BCAS3: variants seen among roughly 807,000 people sequenced by gnomAD.
BCAS3 encodes BCAS4/BCAS3 fusion.
In BCAS3, 53 loss-of-function variants were observed where a neutral mutation model predicts 116.1. The observed-to-expected ratio is 0.46, with a 90% CI of 0.37 to 0.57. The LOEUF (loss-of-function observed/expected upper bound fraction) is 0.57, where lower values mean the gene tolerates loss of function less well. Among genes scored for constraint, BCAS3 ranks in the 20% least tolerant of loss-of-function variants. The pLI, the probability that BCAS3 is intolerant of heterozygous loss-of-function variation, is 0.00. For missense variants in BCAS3, 917 were observed against 1,165.4 expected (o/e 0.79, Z 3.10); for synonymous variants, 391 against 408.2 (o/e 0.96, Z 0.51).
intron 15 of BCAS3, among the ~76,000 whole-genome samples, chr17:61,015,071 C>G (rs1210957031): frequency 1.3e-5 from 2 of 152,086 alleles, no homozygotes; most frequent in Non-Finnish European, 2.9e-5. Context: ...ACAAATTGAT[C>G]TCCAGATTAA....
chr17:61,182,534 A>G (rs926541686), intron 22 of BCAS3, among the ~76,000 whole-genome samples: 2 of 152,182 alleles, frequency 1.3e-5, no homozygotes, highest in East Asian at 1.9e-4. Flanking sequence ...TTTACATACA[A>G]TACAATTCAT....
intron 22 of BCAS3, among the ~76,000 whole-genome samples, chr17:61,176,523 GTCTA>G (rs898481570): frequency 6.9e-5 from 10 of 144,366 alleles, no homozygotes; most frequent in East Asian, 2.0e-4. Flanking sequence ...ATTGTGTAAT[GTCTA>G]TTTATTTATT....
intron 22 of BCAS3, among the ~76,000 whole-genome samples, chr17:61,330,421 G>C (rs990405866): frequency 6.6e-6 from 1 of 152,206 alleles, no homozygotes; most frequent in East Asian, 1.9e-4. Flanking sequence ...ACCATGCCCA[G>C]CCAGTAGTTT....
intron 22 of BCAS3, among the ~76,000 whole-genome samples, chr17:61,202,768 A>T (rs940749864): frequency 2.0e-5 from 3 of 152,242 alleles, no homozygotes; most frequent in Admixed American, 2.0e-4. Flanking sequence ...AAAACAACTC[A>T]AAAGCATGTC....
chr17:60,806,675 C>T (rs1050514083), intron 6 of BCAS3, among the ~76,000 whole-genome samples: 4 of 151,888 alleles, frequency 2.6e-5, no homozygotes, highest in African/African-American at 9.7e-5. Context: ...ACTTCAGCCT[C>T]CTGAGTAGCT....
In BCAS3 at chr17:61,355,171, A is replaced by G. The variant is rs2058075787; in HGVS notation, c.2426-13156A>G. On this transcript the variant is annotated intron_variant, in intron 22 of 23. Coordinates refer to ENST00000407086, the MANE Select transcript of BCAS3 (RefSeq NM_017679.5). The surrounding 1 kb of genome is among the most constrained non-coding windows in gnomAD (Gnocchi z 4.2). ...AGAGTAAAAGGTCAGAAATAATCCA[A>G]GAGGACAAGCCACTCGTGTCTGTGT... is the stretch of plus-strand genomic sequence containing the variant. The G allele has an allele frequency of 6.6e-6, 1 of 152,220 alleles. No individual in the cohort carries two copies. The highest frequency in any genetic ancestry group is 1.5e-5 in the Non-Finnish European group (1 of 68,034). The allele number at this position is 152,220 out of a possible 1,614,324, so 9.4% of individuals were successfully genotyped here.
At chr17:61,044,387 C>G (rs998708873) in intron 19 of BCAS3, among the ~76,000 whole-genome samples, 2 of 144,544 alleles carry the variant, frequency 1.4e-5, no homozygotes, top group African/African-American at 5.2e-5. Context: ...GCGGAGCTCA[C>G]AGTGAGCCGA....
chr17:61,164,593 G>A (rs186632191), intron 22 of BCAS3, among the ~76,000 whole-genome samples: 11 of 152,228 alleles, frequency 7.2e-5, no homozygotes, highest in Admixed American at 3.3e-4. Context: ...GCTGGTTATC[G>A]CAGAGTGAGA....
At chr17:61,155,957 A>G (rs1171432448) in intron 22 of BCAS3, among the ~76,000 whole-genome samples, 1 of 152,034 alleles carries the variant, frequency 6.6e-6, no homozygotes, top group African/African-American at 2.4e-5. Context: ...TATTTAATTT[A>G]TTTTTAAGCT....
intron 22 of BCAS3, among the ~76,000 whole-genome samples, chr17:61,143,753 G>A (rs2077049013): frequency 6.6e-6 from 1 of 152,208 alleles, no homozygotes; most frequent in Non-Finnish European, 1.5e-5. Context: ...AGGCTGTAGT[G>A]AGCCAAGATT....
At chr17:60,873,178 C>G (rs1256972225) in intron 8 of BCAS3, among the ~76,000 whole-genome samples, 1 of 151,916 alleles carries the variant, frequency 6.6e-6, no homozygotes, top group African/African-American at 2.4e-5. Flanking sequence ...AGTACACATA[C>G]ACATATATAG....
At chr17:60,705,773 G>A (rs1198282741) in intron 4 of BCAS3, among the ~76,000 whole-genome samples, 1 of 152,134 alleles carries the variant, frequency 6.6e-6, no homozygotes, top group South Asian at 2.1e-4. Context: ...AATTATTTAA[G>A]ACTGCTTTTG....
intron 22 of BCAS3, among the ~76,000 whole-genome samples, chr17:61,090,783 G>A (rs993526706): frequency 1.3e-5 from 2 of 152,100 alleles, no homozygotes; most frequent in East Asian, 1.9e-4. Flanking sequence ...TCAGCCTCCC[G>A]AGTAGCTGGG....
intron 22 of BCAS3, among the ~76,000 whole-genome samples, chr17:61,166,750 G>A (rs1038529866): frequency 3.9e-4 from 60 of 152,086 alleles, no homozygotes; most frequent in Non-Finnish European, 7.6e-4. Flanking sequence ...ATCTCACTCC[G>A]TCGCACAGGC....
intron 23 of BCAS3, chr17:61,389,624 G>T (rs974469298): frequency 6.6e-6 from 1 of 152,396 alleles, no homozygotes; most frequent in Admixed American, 6.5e-5. Context: ...CCTGGGATGC[G>T]GGGGCGAGGG....
intron 7 of BCAS3, among the ~76,000 whole-genome samples, chr17:60,848,854 A>AT (rs1491335819): frequency 3.3e-4 from 50 of 152,088 alleles, no homozygotes; most frequent in African/African-American, 1.2e-3. Context: ...AAAAAAAAAA[A>AT]AGTACTCTTG....
At chr17:60,848,570 C>G (rs1294373742) in intron 7 of BCAS3, among the ~76,000 whole-genome samples, 2 of 152,198 alleles carry the variant, frequency 1.3e-5, no homozygotes, top group East Asian at 3.9e-4. Flanking sequence ...TCTTTCAGTA[C>G]AGTGTTGAAT....
chr17:61,021,811 A>C lies in BCAS3; in HGVS notation c.1637+5910A>C, dbSNP rs1305328952. ...GGCTATGTGAGTAAATGATATTGGC[A>C]TATAGTAGGCCTTGCAGAAGGTCTA... On this transcript the variant is annotated intron_variant, in intron 16 of 23. Transcript: ENST00000407086. The surrounding 1 kb of genome is among the most constrained non-coding windows in gnomAD (Gnocchi z 4.6). Among the ~76,000 whole-genome samples the C allele has an allele frequency of 6.6e-6, 1 of 152,242 alleles. No homozygotes were observed. Among genetic ancestry groups the C allele is most frequent in the Non-Finnish European group, 1.5e-5 (1 of 68,044 alleles).
chr17:60,740,560 A>G (rs762346141), intron 5 of BCAS3, among the ~76,000 whole-genome samples: 12 of 151,918 alleles, frequency 7.9e-5, no homozygotes, highest in Non-Finnish European at 1.6e-4. Flanking sequence ...GGTAAAAGGA[A>G]CTATGGTAAA....
Sources: gnomAD v4.1 joint callset for allele counts (sites outside exome capture counted in the v4.1 genomes callset) on GRCh38, gnomAD v4.1.1 for gene constraint, Gnocchi (gnomAD v3.1) non-coding constraint, MANE v1.5 for transcripts, NCBI Gene and HGNC (gene_info 2026-07-23, HGNC 2026-07-21) for gene names.